TMC5: variants seen among roughly 807,000 people sequenced by gnomAD.
TMC5 encodes transmembrane channel-like protein 5.
In TMC5, 86 loss-of-function variants were observed where a neutral mutation model predicts 110.5. The observed-to-expected ratio is 0.78, with a 90% CI of 0.65 to 0.93. The LOEUF (loss-of-function observed/expected upper bound fraction) is 0.93, where lower values mean the gene tolerates loss of function less well. Among genes scored for constraint, TMC5 ranks in the 40% least tolerant of loss-of-function variants. The pLI is 0.00. For synonymous variants in TMC5, 455 were observed against 439.5 expected, an observed-to-expected ratio of 1.04 and a Z score of -0.44; for missense variants, 1,144 against 1,222.8, an observed-to-expected ratio of 0.94 and a Z score of 0.96.
intron 1 of TMC5, among the ~76,000 whole-genome samples, chr16:19,423,851 AAGC>A (rs1261159492): frequency 1.2e-4 from 18 of 152,168 alleles, no homozygotes; most frequent in Admixed American, 2.6e-4. Context: ...TCCCAGGTTG[AAGC>A]GATTCTCCTG....
intron 9 of TMC5, 108 bp from the exon 10 acceptor site, chr16:19,469,573 T>C: frequency 2.2e-6 from 3 of 1,387,752 alleles, no homozygotes; most frequent in Non-Finnish European, 3.0e-6. Context: ...GGGCTAAGTC[T>C]TCACGTTGCC....
chr16:19,451,400 A>T (rs1035027290), intron 5 of TMC5, among the ~76,000 whole-genome samples: 1 of 152,176 alleles, frequency 6.6e-6, no homozygotes, highest in Non-Finnish European at 1.5e-5. Context: ...AACCGTTGGG[A>T]TATAAATGAT....
intron 15 of TMC5, 113 bp from the exon 16 acceptor site, chr16:19,486,832 G>T: frequency 2.3e-6 from 2 of 887,398 alleles, no homozygotes; most frequent in Non-Finnish European, 3.5e-6. Context: ...GGATTTTGGG[G>T]ACACACAATC....
At chr16:19,485,478 G>A (rs1324870653) in intron 15 of TMC5, among the ~76,000 whole-genome samples, 1 of 152,048 alleles carries the variant, frequency 6.6e-6, no homozygotes, top group African/African-American at 2.4e-5. Flanking sequence ...TGTATTTTTA[G>A]TAGAGATGGG....
At chr16:19,449,481 A>T in intron 4 of TMC5, 61 bp from the exon 5 acceptor site, 1 of 1,379,952 alleles carries the variant, frequency 7.2e-7, no homozygotes, top group Non-Finnish European at 1.0e-6. Flanking sequence ...TAACTATTGC[A>T]TGCCAGGAAT....
chr16:19,469,552 C>A, intron 9 of TMC5, 129 bp from the exon 10 acceptor site: 3 of 1,170,530 alleles, frequency 2.6e-6, no homozygotes, highest in Middle Eastern at 2.9e-4. Context: ...CCGCTCCAGG[C>A]CAACAGCTTG....
At chr16:19,446,542 T>A (rs1967619142) in intron 4 of TMC5, among the ~76,000 whole-genome samples, 1 of 152,240 alleles carries the variant, frequency 6.6e-6, no homozygotes, top group African/African-American at 2.4e-5. Flanking sequence ...TCTCATTTAA[T>A]CTGTACAACT....
intron 5 of TMC5, chr16:19,456,874 G>C (rs1396098279): frequency 2.5e-6 from 4 of 1,614,060 alleles, no homozygotes; most frequent in African/African-American, 1.3e-5. Flanking sequence ...TAGACTCTCA[G>C]ACAGTCAGCA....
At chr16:19,434,106 A>AT (rs1157735143) in intron 2 of TMC5, among the ~76,000 whole-genome samples, 2 of 23,756 alleles carry the variant, frequency 8.4e-5, no homozygotes, top group African/African-American at 2.6e-4. Context: ...TAATATATAT[A>AT]TTATATATAT....
intron 5 of TMC5, among the ~76,000 whole-genome samples, chr16:19,452,397 T>C (rs886286703): frequency 2.6e-5 from 4 of 152,054 alleles, no homozygotes; most frequent in Non-Finnish European, 4.4e-5. Flanking sequence ...CTTCATTACA[T>C]AGACATGATT....
chr16:19,487,202 A>G lies in TMC5; in HGVS notation c.2449A>G (p.Met817Val), dbSNP rs552798789. The change falls in exon 17 of 22, where the codon ATG (methionine) becomes GTG (valine). Residue 817 changes from methionine (M) to valine (V), a missense_variant. By Grantham distance (21) the Met-to-Val change is conservative. Coordinates refer to ENST00000542583, the MANE Select transcript of TMC5 (RefSeq NM_001261841.2). ...IMFYSKNISL[M>V]MNFQPPSKAW... ...GCCTCTCTCTCTTCAGATCAGCCTG[A>G]TGATGAATTTCCAGCCTCCGAGCAA... 2.6e-5 allele frequency: 42 copies of G among 1,612,808 alleles called. 2 individuals carry two copies. The South Asian group carries it at 4.1e-4, about 16-fold the overall frequency.
At position 19,498,093 on chromosome 16, in the gene TMC5, A is replaced by G; in HGVS notation, c.*127A>G. 2.3e-6 allele frequency: 2 copies of G among 865,798 alleles called. No individual in the cohort carries two copies. The highest frequency in any genetic ancestry group is 2.1e-5 in the Admixed American group (1 of 47,926). 53.6% of individuals were successfully genotyped at this position (865,798 alleles called of 1,614,324 possible). Reference sequence around the variant, plus strand: ...AATCCAAGGCTTTAGCCAGGAGCGGAAACTGACTACCATGTAATTATCAAA... The same window carrying G: ...AATCCAAGGCTTTAGCCAGGAGCGGGAACTGACTACCATGTAATTATCAAA... On this transcript the variant is annotated 3_prime_UTR_variant, in exon 22 of 22. Transcript: ENST00000542583.
rs1969118947 is a variant in TMC5, at chr16:19,498,787, G to A, written c.*821G>A. On this transcript the variant is annotated 3_prime_UTR_variant, in exon 22 of 22. Transcript: ENST00000542583. ...AGAAAAGAAAAGAAATTAGCTGGGT[G>A]CGATGGCTTATGCCTGTAATCCCGG... 1 of 152,122 alleles carries A rather than the reference G, an allele frequency of 6.6e-6. No homozygotes were observed. Among genetic ancestry groups the A allele is most frequent in the Non-Finnish European group, 1.5e-5 (1 of 68,022 alleles). 9.4% of individuals were successfully genotyped at this position (152,122 alleles called of 1,614,324 possible).
intron 6 of TMC5, 142 bp downstream of exon 6, chr16:19,460,476 C>T: frequency 1.8e-6 from 1 of 570,192 alleles, no homozygotes; most frequent in Non-Finnish European, 3.1e-6. Flanking sequence ...CAAATGCCCT[C>T]TGTAGGTACT....
intron 4 of TMC5, 120 bp downstream of exon 4, chr16:19,444,370 G>C: frequency 1.1e-6 from 1 of 890,424 alleles, no homozygotes; most frequent in Non-Finnish European, 1.7e-6. Flanking sequence ...CAATCTCAGA[G>C]ACCCTTGTTT....
intron 20 of TMC5, 73 bp downstream of exon 20, chr16:19,494,439 T>C: frequency 1.0e-6 from 1 of 970,140 alleles, no homozygotes; most frequent in Non-Finnish European, 1.6e-6. Flanking sequence ...GTCAGAGAAC[T>C]ACAGACCAAG....
intron 3 of TMC5, among the ~76,000 whole-genome samples, chr16:19,442,122 C>T (rs571796435): frequency 6.6e-6 from 1 of 152,170 alleles, no homozygotes; most frequent in South Asian, 2.1e-4. Context: ...TTTTAAGTAG[C>T]AAGTCCAGTT....
intron 5 of TMC5, among the ~76,000 whole-genome samples, chr16:19,450,924 T>A (rs1313214157): frequency 6.6e-6 from 1 of 152,104 alleles, no homozygotes; most frequent in Non-Finnish European, 1.5e-5. Flanking sequence ...TCTCTAAGGA[T>A]CACTGTGTGT....
intron 1 of TMC5, among the ~76,000 whole-genome samples, chr16:19,423,566 C>T (rs550778825): frequency 3.3e-5 from 5 of 152,228 alleles, no homozygotes; most frequent in African/African-American, 7.2e-5. Flanking sequence ...TATAAGCTTG[C>T]GTTTTGTGTC....
Sources: gnomAD v4.1 joint callset for allele counts (sites outside exome capture counted in the v4.1 genomes callset) on GRCh38, gnomAD v4.1.1 for gene constraint, MANE v1.5 for transcripts, NCBI Gene and HGNC (gene_info 2026-07-23, HGNC 2026-07-21) for gene names.